Variants in RASAL1 observed in about 807,000 individuals in gnomAD.
RASAL1 encodes the protein RAS protein activator like 1.
In RASAL1, 72 loss-of-function variants were observed where a neutral mutation model predicts 96.6. The ratio of observed to expected loss-of-function variants is 0.75; its 90% CI spans 0.62 to 0.91. The LOEUF (loss-of-function observed/expected upper bound fraction) is 0.91, where lower values mean the gene tolerates loss of function less well. RASAL1 is among the 40% of genes least tolerant of loss of function. RASAL1 has a pLI of 0.00. For synonymous variants in RASAL1, 405 were observed against 430.4 expected (o/e 0.94, Z 0.73); for missense variants, 1,016 against 1,072.5 (o/e 0.95, Z 0.74).
chr12:113,118,079 T>C (rs1319264679), intron 7 of RASAL1, among the ~76,000 whole-genome samples: 3 of 151,958 alleles, frequency 2.0e-5, no homozygotes, highest in Admixed American at 6.6e-5. Context: ...CAAAAATTAC[T>C]CAGATGTAGT....
At chr12:113,103,014 C>A in intron 18 of RASAL1, 1 of 284,406 alleles carries the variant, frequency 3.5e-6, no homozygotes. Flanking sequence ...GCACCTCCTC[C>A]AGGAAGCCCT....
intron 7 of RASAL1, 82 bp downstream of exon 7, chr12:113,119,046 A>G: frequency 4.7e-6 from 7 of 1,474,106 alleles, no homozygotes; most frequent in South Asian, 1.4e-5. Flanking sequence ...TCTGAGAGCC[A>G]GGAGGCTCAG....
chr12:113,104,425 T>C, intron 16 of RASAL1, 127 bp from the exon 17 acceptor site: 1 of 821,810 alleles, frequency 1.2e-6, no homozygotes. Context: ...CCTGTAAGTC[T>C]GTGCTCTGTG....
In RASAL1 at chr12:113,119,370, C is replaced by T; in HGVS notation, c.502G>A (p.Glu168Lys). The T allele has an allele frequency of 6.2e-7, 1 of 1,612,942 alleles. No individual in the cohort carries two copies. Among genetic ancestry groups the T allele is most frequent in the South Asian group, 1.1e-5 (1 of 90,760 alleles). Residue 168 changes from glutamate to lysine, a missense_variant, in exon 6 of 21, where the codon GAG becomes AAG. By Grantham distance (56) the Glu-to-Lys change is moderately conservative. Coordinates refer to ENST00000548055, the MANE Select transcript of RASAL1 (RefSeq NM_001301202.2). ...CATTCCCCACCACTCACTGAGGTCT[C>T]CAAGCTCTGGCTGCCCCAAAACACA... is the stretch of plus-strand genomic sequence containing the variant. ...ARVFWGSQSL[E>K]TSTIKKTRFP...
intron 4 of RASAL1, among the ~76,000 whole-genome samples, chr12:113,122,070 G>GCTTT (rs1277192696): frequency 6.6e-6 from 1 of 152,128 alleles, no homozygotes; most frequent in East Asian, 1.9e-4. Context: ...TGATATAGGT[G>GCTTT]CTGTAATTAT....
chr12:113,127,831 C>A lies in RASAL1; in HGVS notation c.279G>T (p.Ala93=), dbSNP rs530906895. The change falls in exon 4 of 21, where the codon GCG becomes GCT. Residue 93 remains alanine, a synonymous_variant. Transcript: ENST00000548055. The part of the protein sequence containing the change: ...IIGKISLSRE[A]ITADPRGIDS... Reference sequence around the variant, plus strand: ...GCCCACCTCGGGGGTCGGCTGTAATCGCCTCCCTGCTCAGCGAGATCTTGC... The same window carrying A: ...GCCCACCTCGGGGGTCGGCTGTAATAGCCTCCCTGCTCAGCGAGATCTTGC... 1.9e-6 allele frequency: 3 copies of A among 1,612,690 alleles called. No individual in the cohort carries two copies. Among genetic ancestry groups the A allele is most frequent in the Non-Finnish European group, 2.5e-6 (3 of 1,178,896 alleles).
chr12:113,103,207 TTA>T (rs1398923841), intron 18 of RASAL1: 2 of 149,152 alleles, frequency 1.3e-5, no homozygotes. Flanking sequence ...TTTATATATA[TTA>T]TATATTATTT....
intron 4 of RASAL1, among the ~76,000 whole-genome samples, chr12:113,125,129 G>A (rs1310407627): frequency 6.6e-6 from 1 of 151,694 alleles, no homozygotes; most frequent in Non-Finnish European, 1.5e-5. Flanking sequence ...ATACATATAT[G>A]TGTGTGTGTT....
chr12:113,132,957 G>A (rs1951776613), intron 1 of RASAL1, among the ~76,000 whole-genome samples: 1 of 152,150 alleles, frequency 6.6e-6, no homozygotes, highest in Admixed American at 6.5e-5. Flanking sequence ...TCAGACTCCT[G>A]TGGCTGGTAA....
Position 113,099,891 on chromosome 12 carries a change from G to T in RASAL1, c.*38C>A. On this transcript the variant is annotated 3_prime_UTR_variant, in exon 21 of 21. Coordinates refer to ENST00000548055, the MANE Select transcript of RASAL1 (RefSeq NM_001301202.2). ...AGGATGCGCTGAAGAGGGCCCCCTG[G>T]CTCTTGCTCCTCCTTCCGGGCTAGC... 5 of 1,585,092 alleles carry T rather than the reference G, an allele frequency of 3.2e-6. No homozygotes were observed. Among genetic ancestry groups the T allele is most frequent in the Non-Finnish European group, 4.3e-6 (5 of 1,161,626 alleles).
chr12:113,129,915 G>A lies in RASAL1; in HGVS notation c.122+970C>T, dbSNP rs561710695. Among the ~76,000 whole-genome samples, 32 of 152,312 alleles carry A rather than the reference G, an allele frequency of 2.1e-4. No individual in the cohort carries two copies. In the South Asian group the frequency reaches 3.7e-3, roughly 18 times the overall value. On this transcript the variant is annotated intron_variant, in intron 2 of 20. Coordinates refer to ENST00000548055, the MANE Select transcript of RASAL1 (RefSeq NM_001301202.2). This position sits in a 1 kb window ranked among gnomAD's most constrained non-coding sequence, Gnocchi z 5.0. ...CAGAGAGGGAGAGACAGCAGCCTGG[G>A]GTCACACAGAAAATCAATCTGTGGG...
intron 8 of RASAL1, among the ~76,000 whole-genome samples, chr12:113,116,527 G>A (rs1951091617): frequency 6.6e-6 from 1 of 152,158 alleles, no homozygotes; most frequent in Non-Finnish European, 1.5e-5. Flanking sequence ...AGTGTGGACA[G>A]GTATGAACAG....
intron 16 of RASAL1, among the ~76,000 whole-genome samples, chr12:113,105,051 C>T (rs1413268004): frequency 6.6e-6 from 1 of 152,234 alleles, no homozygotes; most frequent in Non-Finnish European, 1.5e-5. Flanking sequence ...AGAGAACTGA[C>T]CCCTAGAATC....
intron 7 of RASAL1, among the ~76,000 whole-genome samples, chr12:113,118,323 T>G (rs1233986653): frequency 6.6e-6 from 1 of 152,248 alleles, no homozygotes; most frequent in Admixed American, 6.5e-5. Flanking sequence ...ATGGATGACA[T>G]TAAATGAGGA....
At chr12:113,126,246 T>C (rs1453281868) in intron 4 of RASAL1, among the ~76,000 whole-genome samples, 1 of 151,800 alleles carries the variant, frequency 6.6e-6, no homozygotes, top group Non-Finnish European at 1.5e-5. Context: ...GATTGTGCCA[T>C]TGCACTCCAG....
intron 1 of RASAL1, among the ~76,000 whole-genome samples, chr12:113,133,586 C>A (rs1040340943): frequency 2.0e-5 from 3 of 152,202 alleles, no homozygotes; most frequent in African/African-American, 7.2e-5. Context: ...ATGGACCCCC[C>A]TCAAACCTGG....
chr12:113,108,830 T>C (rs903918620), intron 13 of RASAL1, among the ~76,000 whole-genome samples: 45 of 115,194 alleles, frequency 3.9e-4, no homozygotes, highest in Admixed American at 6.1e-4. Context: ...TTCTTTTTTT[T>C]TTCTTTCTTT....
Position 113,114,829 on chromosome 12 carries a change from A to C in RASAL1, c.1152T>G (p.Asp384Glu), listed in dbSNP as rs779693957. 1 of 1,614,084 alleles carries C rather than the reference A, an allele frequency of 6.2e-7. No homozygotes were observed. Among genetic ancestry groups the C allele is most frequent in the South Asian group, 1.1e-5 (1 of 91,068 alleles). ...TGCGGCCCAGGTCCATCTTGCAGGG[A>C]TCCAGCTCCATGTACTTCTTCTCCT... is the stretch of plus-strand genomic sequence containing the variant. ...VFEEKKYMEL[D>E]PCKMDLGRTR... is the part of the protein sequence containing the mutation. Residue 384 changes from aspartate (D) to glutamate (E), a missense_variant, in exon 12 of 21, where the codon GAT (aspartate) becomes GAG (glutamate). Coordinates refer to ENST00000548055, the MANE Select transcript of RASAL1 (RefSeq NM_001301202.2).
At position 113,113,039 on chromosome 12, in the gene RASAL1, T is replaced by A. The variant is rs947688275; in HGVS notation, c.1182-761A>T. 9.2e-5 allele frequency among the ~76,000 whole-genome samples: 14 copies of A among 152,338 alleles called. 1 individual carries two copies. Among genetic ancestry groups the A allele is most frequent in the African/African-American group, 3.4e-4 (14 of 41,582 alleles). ...CAGAATAGGGACTTGGGACTATTTG[T>A]TCCCTACTGTATCGTCAGTGTTCAG... On this transcript the variant is annotated intron_variant, in intron 12 of 20. Transcript: ENST00000548055.
Sources: allele counts gnomAD v4.1 joint callset (sites outside exome capture counted in the v4.1 genomes callset), GRCh38; gene constraint gnomAD v4.1.1; non-coding constraint Gnocchi (gnomAD v3.1); transcripts MANE v1.5; gene names NCBI Gene and HGNC (gene_info 2026-07-23, HGNC 2026-07-21).